Variants in TLL1 observed in about 807,000 individuals in gnomAD.
TLL1 encodes tolloid like 1.
Under a neutral mutation model 128.2 loss-of-function variants are expected in TLL1, and 49 were observed. The observed-to-expected ratio is 0.38, with a 90% CI of 0.30 to 0.48. TLL1 has a LOEUF of 0.48. Among genes scored for constraint, TLL1 ranks in the 20% least tolerant of loss-of-function variants. The pLI, the probability that TLL1 is intolerant of heterozygous loss-of-function variation, is 0.96. For synonymous variants in TLL1, 454 were observed against 418.8 expected (o/e 1.08, Z -1.03); for missense variants, 1,123 against 1,242.0 (o/e 0.90, Z 1.44).
Position 166,057,209 on chromosome 4 carries a change from C to G in TLL1, c.1746C>G (p.Asp582Glu). 1 of 1,613,770 alleles carries G rather than the reference C, an allele frequency of 6.2e-7. No homozygotes were observed. The highest frequency in any genetic ancestry group is 2.2e-5 in the East Asian group (1 of 44,822). ...FKEEDECAKP[D>E]RGGCEQRCLN... ...AGGAAGATGAGTGTGCCAAACCTGA[C>G]CGTGGAGGCTGTGAGCAGCGATGTC... The change falls in exon 14 of 21, where the codon GAC becomes GAG. Residue 582 changes from aspartate to glutamate, a missense_variant. Transcript: ENST00000061240.
chr4:166,036,128 G>T (rs1244285364), intron 9 of TLL1, among the ~76,000 whole-genome samples: 2 of 152,032 alleles, frequency 1.3e-5, no homozygotes, highest in Admixed American at 1.3e-4. Context: ...CATGGAATTT[G>T]TTTAGGTAGC....
At chr4:165,913,065 A>G (rs528622206) in intron 1 of TLL1, among the ~76,000 whole-genome samples, 79 of 152,192 alleles carry the variant, frequency 5.2e-4, no homozygotes, top group Admixed American at 1.9e-3. Context: ...AGTTTTTGAA[A>G]TAAGAGATTT....
chr4:165,935,483 G>A (rs191844291), intron 1 of TLL1, among the ~76,000 whole-genome samples: 206 of 152,166 alleles, frequency 1.4e-3, no homozygotes, highest in African/African-American at 4.9e-3. Flanking sequence ...TCAGATGGAG[G>A]AAAACAAATA....
At chr4:165,986,195 T>C (rs989007709) in intron 1 of TLL1, among the ~76,000 whole-genome samples, 3 of 152,046 alleles carry the variant, frequency 2.0e-5, no homozygotes, top group African/African-American at 7.2e-5. Context: ...ATTTCATATG[T>C]ATTTTTGCAC....
chr4:165,907,475 G>A (rs1226804074), intron 1 of TLL1, among the ~76,000 whole-genome samples: 1 of 152,058 alleles, frequency 6.6e-6, no homozygotes, highest in African/African-American at 2.4e-5. Flanking sequence ...AAGAGAGTAT[G>A]TCTGGTCAGG....
At chr4:166,057,887 T>G (rs908027166) in intron 14 of TLL1, among the ~76,000 whole-genome samples, 18 of 152,224 alleles carry the variant, frequency 1.2e-4, no homozygotes, top group African/African-American at 4.1e-4. Context: ...CATGTGGGAA[T>G]TATGGGAGCT....
intron 1 of TLL1, among the ~76,000 whole-genome samples, chr4:165,938,391 A>T (rs1419304400): frequency 6.6e-6 from 1 of 152,056 alleles, no homozygotes; most frequent in Non-Finnish European, 1.5e-5. Context: ...TCATTCTTTC[A>T]ATGGATAGGC....
intron 1 of TLL1, among the ~76,000 whole-genome samples, chr4:165,890,343 T>TC (rs1464735096): frequency 6.6e-6 from 1 of 152,114 alleles, no homozygotes; most frequent in Non-Finnish European, 1.5e-5. Context: ...TTCCTAATAG[T>TC]CCCCCAAAGT....
intron 20 of TLL1, 110 bp from the exon 21 acceptor site, chr4:166,100,632 G>T: frequency 7.0e-7 from 1 of 1,419,670 alleles, no homozygotes; most frequent in South Asian, 1.2e-5. Flanking sequence ...GTTGTTGGGA[G>T]GATTAAATTA....
At position 166,014,523 on chromosome 4, in the gene TLL1, A is replaced by C; in HGVS notation, c.1005A>C (p.Gly335=). The change falls in exon 8 of 21, where the codon GGA becomes GGC. Residue 335 remains glycine (G), a synonymous_variant. Transcript: ENST00000061240. ...AIGQRTRLSK[G]DIAQARKLYR... The stretch of plus-strand genomic sequence containing the variant: ...GTCAGCGAACCCGTCTAAGCAAAGG[A>C]GATATCGCACAGGCAAGAAAGCTGT... 1 of 1,612,456 alleles carries C rather than the reference A, an allele frequency of 6.2e-7. No individual in the cohort carries two copies. Among genetic ancestry groups the C allele is most frequent in the Non-Finnish European group, 8.5e-7 (1 of 1,178,800 alleles).
chr4:165,931,965 G>T (rs549226560), intron 1 of TLL1, among the ~76,000 whole-genome samples: 2 of 152,162 alleles, frequency 1.3e-5, no homozygotes, highest in Non-Finnish European at 2.9e-5. Context: ...GTTGTGAGTA[G>T]AAGCCCTAGT....
At chr4:165,992,515 C>G (rs1736692958) in intron 2 of TLL1, among the ~76,000 whole-genome samples, 1 of 151,990 alleles carries the variant, frequency 6.6e-6, no homozygotes, top group African/African-American at 2.4e-5. Context: ...GTCAAGGTCA[C>G]AGTAAAGAAA....
chr4:166,062,725 G>A (rs950577048), intron 15 of TLL1, among the ~76,000 whole-genome samples: 1 of 152,032 alleles, frequency 6.6e-6, no homozygotes, highest in African/African-American at 2.4e-5. Flanking sequence ...TCTCCTGCCT[G>A]ATTGCCCTGG....
At chr4:166,036,177 T>G (rs1468063923) in intron 9 of TLL1, among the ~76,000 whole-genome samples, 1 of 152,158 alleles carries the variant, frequency 6.6e-6, no homozygotes, top group Non-Finnish European at 1.5e-5. Context: ...GTTCATTGAT[T>G]ATATCTTTCT....
chr4:165,877,451 C>T (rs1424368847), intron 1 of TLL1, among the ~76,000 whole-genome samples: 5 of 152,214 alleles, frequency 3.3e-5, no homozygotes, highest in African/African-American at 1.2e-4. Context: ...TCAGGTTTCT[C>T]TTACTCTCTA....
intron 1 of TLL1, among the ~76,000 whole-genome samples, chr4:165,895,038 A>G (rs1349882763): frequency 6.6e-6 from 1 of 152,172 alleles, no homozygotes. Context: ...TATGTAATCT[A>G]TTAATGAGAT....
Position 166,061,891 on chromosome 4 carries a change from TG to T in TLL1, c.2007+1704del, listed in dbSNP as rs1740332578. Among the ~76,000 whole-genome samples the T allele has an allele frequency of 2.0e-5, 3 of 152,188 alleles. No individual in the cohort carries two copies. The South Asian group carries it at 6.2e-4, about 31-fold the overall frequency. The stretch of plus-strand genomic sequence containing the variant: ...CTTTACTCCATCTTGAATTAATTTT[TG>T]TATAAGGTGTAAGGAAAGGACCCAG... On this transcript the variant is annotated intron_variant, in intron 15 of 20. Transcript: ENST00000061240.
intron 3 of TLL1, 98 bp from the exon 4 acceptor site, chr4:165,994,283 A>C (rs1736764125): frequency 6.9e-7 from 1 of 1,439,682 alleles, no homozygotes. Flanking sequence ...TATACAAAAA[A>C]TATGTAAATA....
At chr4:166,031,238 T>C (rs1560823352) in intron 9 of TLL1, among the ~76,000 whole-genome samples, 1 of 151,726 alleles carries the variant, frequency 6.6e-6, no homozygotes, top group Non-Finnish European at 1.5e-5. Flanking sequence ...GCACACCTCA[T>C]ACAATCCAAA....
Sources: allele counts gnomAD v4.1 joint callset (sites outside exome capture counted in the v4.1 genomes callset), GRCh38; gene constraint gnomAD v4.1.1; transcripts MANE v1.5; gene names NCBI Gene and HGNC (gene_info 2026-07-23, HGNC 2026-07-21).